Variants in ADAMTS9 observed in about 807,000 individuals in gnomAD.
ADAMTS9 encodes A disintegrin and metalloproteinase with thrombospondin motifs 9.
ADAMTS9 carries 107 observed loss-of-function variants against 257.1 expected under a neutral mutation model. The observed-to-expected ratio is 0.42, with a 90% CI of 0.36 to 0.49. ADAMTS9 has a LOEUF of 0.49. Ranked by LOEUF, ADAMTS9 falls within the 20% of genes least tolerant of loss-of-function variation. ADAMTS9 has a pLI of 0.03. For missense variants in ADAMTS9, 2,353 were observed against 2,469.1 expected, an observed-to-expected ratio of 0.95 and a Z score of 1.00; for synonymous variants, 982 against 880.9, an observed-to-expected ratio of 1.11 and a Z score of -2.03.
intron 27 of ADAMTS9, 100 bp from the exon 28 acceptor site, chr3:64,594,534 G>T: frequency 6.9e-7 from 1 of 1,455,902 alleles, no homozygotes; most frequent in African/African-American, 1.4e-5. Context: ...TTATGGCATT[G>T]GGCAAGGTAA....
chr3:64,667,808 C>G (rs528288937), intron 3 of ADAMTS9, among the ~76,000 whole-genome samples: 1 of 152,274 alleles, frequency 6.6e-6, no homozygotes, highest in East Asian at 1.9e-4. Flanking sequence ...TATGGATTAA[C>G]TTGATTATTC....
At chr3:64,617,759 G>A (rs1422615199) in intron 19 of ADAMTS9, among the ~76,000 whole-genome samples, 4 of 152,110 alleles carry the variant, frequency 2.6e-5, no homozygotes, top group Non-Finnish European at 2.9e-5. Context: ...ATGTTGATCA[G>A]CATTATTAAC....
chr3:64,651,883 C>T (rs371893183), intron 8 of ADAMTS9, among the ~76,000 whole-genome samples: 16 of 152,118 alleles, frequency 1.1e-4, no homozygotes, highest in Non-Finnish European at 1.2e-4. Flanking sequence ...ATCCAGGTTC[C>T]GCCTGTGAGA....
At chr3:64,631,643 T>C (rs1347224818) in intron 15 of ADAMTS9, 93 bp from the exon 16 acceptor site, 5 of 1,252,052 alleles carry the variant, frequency 4.0e-6, no homozygotes, top group Middle Eastern at 1.9e-4. Flanking sequence ...GAATAGAATA[T>C]AATTCTCATA....
intron 3 of ADAMTS9, among the ~76,000 whole-genome samples, chr3:64,667,488 G>A (rs1049547055): frequency 1.1e-4 from 16 of 152,176 alleles, no homozygotes; most frequent in Non-Finnish European, 5.9e-5. Context: ...GGGCGTGCGA[G>A]TGGAAGGCAA....
intron 38 of ADAMTS9, among the ~76,000 whole-genome samples, chr3:64,524,629 G>GTGCAATAAT (rs2082887847): frequency 6.6e-6 from 1 of 152,158 alleles, no homozygotes; most frequent in Non-Finnish European, 1.5e-5. Context: ...TTTTGAATTT[G>GTGCAATAAT]ACCAATAAAA....
intron 30 of ADAMTS9, among the ~76,000 whole-genome samples, chr3:64,555,750 G>A (rs150973811): frequency 2.6e-5 from 4 of 152,188 alleles, no homozygotes; most frequent in African/African-American, 9.7e-5. Context: ...AGGCAAGGAG[G>A]GGAAGAGGAC....
chr3:64,598,421 A>G (rs2084402996), intron 26 of ADAMTS9, among the ~76,000 whole-genome samples: 1 of 151,566 alleles, frequency 6.6e-6, no homozygotes, highest in Non-Finnish European at 1.5e-5. Context: ...AGCTCAAGCA[A>G]TCTTCCCACC....
intron 29 of ADAMTS9, among the ~76,000 whole-genome samples, chr3:64,564,598 A>C (rs1021241046): frequency 6.6e-6 from 1 of 151,138 alleles, no homozygotes; most frequent in African/African-American, 2.5e-5. Context: ...TTTCTCAATT[A>C]AATAATTCTT....
chr3:64,547,018 T>C, intron 31 of ADAMTS9, 66 bp from the exon 32 acceptor site: 5 of 1,398,390 alleles, frequency 3.6e-6, no homozygotes, highest in Non-Finnish European at 4.9e-6. Flanking sequence ...AATAGGCCCC[T>C]GACCTCCACA....
intron 3 of ADAMTS9, among the ~76,000 whole-genome samples, chr3:64,661,407 ATTGAATTCGGCTC>A (rs1403505631): frequency 1.3e-5 from 2 of 152,230 alleles, no homozygotes; most frequent in Non-Finnish European, 2.9e-5. Flanking sequence ...TGTACCAGGC[ATTGAATTCGGCTC>A]TTTTATGTAT....
At chr3:64,671,242 C>G (rs1672449790) in intron 3 of ADAMTS9, among the ~76,000 whole-genome samples, 1 of 152,150 alleles carries the variant, frequency 6.6e-6, no homozygotes, top group Non-Finnish European at 1.5e-5. Context: ...GGATGAACCT[C>G]AAACACACTG....
chr3:64,521,057 G>A (rs2082846045), intron 39 of ADAMTS9, among the ~76,000 whole-genome samples: 1 of 151,856 alleles, frequency 6.6e-6, no homozygotes, highest in African/African-American at 2.4e-5. Flanking sequence ...TTTGATAAAG[G>A]AATAATATCC....
At chr3:64,541,747 T>A (rs1241344755) in intron 33 of ADAMTS9, 91 bp downstream of exon 33, 3 of 1,576,194 alleles carry the variant, frequency 1.9e-6, no homozygotes, top group East Asian at 2.2e-5. Flanking sequence ...TCAGAAAAAA[T>A]TCTATATTTC....
At chr3:64,592,784 T>G (rs2084286432) in intron 28 of ADAMTS9, 3 of 152,094 alleles carry the variant, frequency 2.0e-5, no homozygotes, top group African/African-American at 7.2e-5. Flanking sequence ...TTTTTTTTTT[T>G]TGGGTCAAAG....
chr3:64,521,260 C>A (rs1023366651), intron 39 of ADAMTS9, among the ~76,000 whole-genome samples: 4 of 152,084 alleles, frequency 2.6e-5, no homozygotes, highest in African/African-American at 9.7e-5. Flanking sequence ...ACATCTCATG[C>A]CAATCAGAAT....
chr3:64,525,992 AT>A (rs1313005321), intron 38 of ADAMTS9, among the ~76,000 whole-genome samples: 1 of 147,516 alleles, frequency 6.8e-6, no homozygotes, highest in Non-Finnish European at 1.5e-5. Flanking sequence ...ATATAAAAAT[AT>A]TTTATATATT....
chr3:64,596,488 A>T (rs764288360), intron 27 of ADAMTS9, among the ~76,000 whole-genome samples: 6 of 151,380 alleles, frequency 4.0e-5, no homozygotes, highest in African/African-American at 1.5e-4. Flanking sequence ...CCCCAAAACT[A>T]TGAAGAAGAG....
chr3:64,647,620 A>G (rs999343386), intron 11 of ADAMTS9, among the ~76,000 whole-genome samples: 2 of 152,244 alleles, frequency 1.3e-5, no homozygotes, highest in Admixed American at 6.5e-5. Context: ...AAGAAAAAGA[A>G]ACACAATCTC....
Sources: gnomAD v4.1 joint callset for allele counts (sites outside exome capture counted in the v4.1 genomes callset) on GRCh38, gnomAD v4.1.1 for gene constraint, MANE v1.5 for transcripts, NCBI Gene and HGNC (gene_info 2026-07-23, HGNC 2026-07-21) for gene names.